Variants in SLC22A23 observed in about 807,000 individuals in gnomAD.
SLC22A23 encodes the protein ion transporter protein.
SLC22A23 carries 26 observed loss-of-function variants against 61.0 expected under a neutral mutation model. The ratio of observed to expected loss-of-function variants is 0.43; its 90% CI spans 0.31 to 0.59. The LOEUF is 0.59. Among genes scored for constraint, SLC22A23 ranks in the 20% least tolerant of loss-of-function variants. SLC22A23 has a pLI of 0.11. For missense variants in SLC22A23, 796 were observed against 934.7 expected (o/e 0.85, Z 1.94); for synonymous variants, 430 against 413.9 (o/e 1.04, Z -0.47).
rs869114176 is a variant in SLC22A23 at position 3,299,998 on chromosome 6, C to CTTTTTTTT, written c.1083-1788_1083-1781dup. Among the ~76,000 whole-genome samples the CTTTTTTTT allele has an allele frequency of 3.0e-3, 234 of 78,788 alleles. 29 individuals are homozygous for CTTTTTTTT. Among genetic ancestry groups the CTTTTTTTT allele is most frequent in the East Asian group, 0.021 (37 of 1,770 alleles). The allele number at this position is 78,788 out of a possible 152,430, so 51.7% of individuals were successfully genotyped here. On this transcript the variant is annotated intron_variant, in intron 4 of 9. Transcript: ENST00000406686. ...ACCTGCTTTGCAAGCTCAGGATAGA[C>CTTTTTTTT]TTTTTTTTTTTTTTTTTTTTTTTTT...
At chr6:3,371,892 G>A (rs1448429801) in intron 3 of SLC22A23, among the ~76,000 whole-genome samples, 1 of 151,902 alleles carries the variant, frequency 6.6e-6, no homozygotes, top group Non-Finnish European at 1.5e-5. Context: ...AAAAAGCTGC[G>A]AGTTAACCTC....
intron 9 of SLC22A23, among the ~76,000 whole-genome samples, chr6:3,276,086 A>G (rs1037846478): frequency 6.6e-6 from 1 of 152,192 alleles, no homozygotes; most frequent in African/African-American, 2.4e-5. Flanking sequence ...CCTTTTTCTC[A>G]GAATGCAATG....
At chr6:3,290,233 A>T (rs1015308326) in intron 5 of SLC22A23, 2 of 334,948 alleles carry the variant, frequency 6.0e-6, no homozygotes, top group Non-Finnish European at 1.1e-5. Flanking sequence ...TTACTGAGGC[A>T]CTCATTAGGC....
intron 3 of SLC22A23, among the ~76,000 whole-genome samples, chr6:3,389,810 C>T (rs1006778860): frequency 8.5e-5 from 13 of 152,344 alleles, no homozygotes; most frequent in East Asian, 3.9e-4. Context: ...GGAGCTGGTA[C>T]GTGCATTTCA....
intron 3 of SLC22A23, among the ~76,000 whole-genome samples, chr6:3,389,644 C>T (rs913767685): frequency 2.0e-5 from 3 of 152,196 alleles, no homozygotes; most frequent in South Asian, 2.1e-4. Flanking sequence ...AGTCACCCCT[C>T]CTCCCACTCC....
intron 3 of SLC22A23, among the ~76,000 whole-genome samples, chr6:3,332,817 A>T (rs908419748): frequency 6.6e-6 from 1 of 152,138 alleles, no homozygotes; most frequent in Admixed American, 6.5e-5. Context: ...CATATTACAT[A>T]TCTTAATTCT....
At chr6:3,397,051 T>C (rs924881065) in intron 3 of SLC22A23, among the ~76,000 whole-genome samples, 32 of 152,264 alleles carry the variant, frequency 2.1e-4, no homozygotes, top group African/African-American at 7.0e-4. Context: ...CATTCACCCA[T>C]AGACGCTGCT....
At chr6:3,296,929 A>G (rs571000381) in intron 5 of SLC22A23, among the ~76,000 whole-genome samples, 13 of 152,156 alleles carry the variant, frequency 8.5e-5, no homozygotes, top group African/African-American at 2.9e-4. Context: ...ATCCCTTCCC[A>G]TCGTAAATGG....
chr6:3,337,376 G>A (rs1763916417), intron 3 of SLC22A23, among the ~76,000 whole-genome samples: 1 of 152,110 alleles, frequency 6.6e-6, no homozygotes, highest in Non-Finnish European at 1.5e-5. Flanking sequence ...AGGCCTTGTA[G>A]GTGCCAGGTA....
At chr6:3,344,859 AAC>A (rs1764333824) in intron 3 of SLC22A23, among the ~76,000 whole-genome samples, 1 of 152,224 alleles carries the variant, frequency 6.6e-6, no homozygotes, top group Non-Finnish European at 1.5e-5. Context: ...GCTAGAAGCA[AAC>A]ACAGGAGAAA....
Position 3,272,573 on chromosome 6 carries a change from C to T in SLC22A23, c.*482G>A, listed in dbSNP as rs9501975. ...AGCCAAATTCATGTACATTTCACTC[C>T]GTCTAAAATGCAGTCCCGGAAACGC... On this transcript the variant is annotated 3_prime_UTR_variant, in exon 10 of 10. Transcript: ENST00000406686. 0.09 allele frequency: 13,748 copies of T among 152,932 alleles called. 733 individuals are homozygous for T. The highest frequency in any genetic ancestry group is 0.17 in the Middle Eastern group (50 of 292). The allele number at this position is 152,932 out of a possible 1,614,324, so 9.5% of individuals were successfully genotyped here. A position where few individuals can be genotyped will look rare whatever the true frequency, so the allele number is the denominator to read the frequency against.
chr6:3,272,949 T>C lies in SLC22A23; in HGVS notation c.*106A>G. 1 of 1,048,238 alleles carries C rather than the reference T, an allele frequency of 9.5e-7. No individual in the cohort carries two copies. Among genetic ancestry groups the C allele is most frequent in the African/African-American group, 1.6e-5 (1 of 62,740 alleles). 64.9% of individuals were successfully genotyped at this position (1,048,238 alleles called of 1,614,324 possible). A position where few individuals can be genotyped will look rare whatever the true frequency, so the allele number is the denominator to read the frequency against. On this transcript the variant is annotated 3_prime_UTR_variant, in exon 10 of 10. Transcript: ENST00000406686. ...CCCCACACCAGTTGAGAGGCTCAGC[T>C]TGGCTGAGGCAGCTTTCCCACCCCT...
At chr6:3,451,943 T>C (rs965952394) in intron 1 of SLC22A23, among the ~76,000 whole-genome samples, 3 of 152,206 alleles carry the variant, frequency 2.0e-5, no homozygotes, top group African/African-American at 7.2e-5. Flanking sequence ...AACACGATGG[T>C]TGTGTGAGTA....
intron 3 of SLC22A23, among the ~76,000 whole-genome samples, chr6:3,356,712 C>G (rs1372035549): frequency 6.6e-6 from 1 of 152,164 alleles, no homozygotes; most frequent in Non-Finnish European, 1.5e-5. Flanking sequence ...GCTTGAACCT[C>G]CAGGTCTTGA....
intron 3 of SLC22A23, among the ~76,000 whole-genome samples, chr6:3,350,866 C>A (rs1175980061): frequency 6.6e-6 from 1 of 151,890 alleles, no homozygotes; most frequent in Non-Finnish European, 1.5e-5. Flanking sequence ...GTCTCACTGC[C>A]CTTCTCACTC....
intron 3 of SLC22A23, among the ~76,000 whole-genome samples, chr6:3,362,436 T>TA (rs1561925525): frequency 1.7e-5 from 1 of 60,594 alleles, no homozygotes; most frequent in African/African-American, 7.2e-5. Flanking sequence ...AAATAAAAAA[T>TA]AAAAATTAGC....
At chr6:3,423,379 T>C (rs1265618973) in intron 1 of SLC22A23, among the ~76,000 whole-genome samples, 1 of 152,246 alleles carries the variant, frequency 6.6e-6, no homozygotes, top group African/African-American at 2.4e-5. Flanking sequence ...ACGTTCTTAT[T>C]CGTTTTGTAC....
rs1190765947 is a variant in SLC22A23, at chr6:3,389,192, C to T, written c.913+20996G>A. Among the ~76,000 whole-genome samples the T allele has an allele frequency of 3.7e-5, 5 of 134,450 alleles. No homozygotes were observed. In the South Asian group the frequency reaches 7.8e-4, roughly 21 times the overall value. 88.2% of individuals were successfully genotyped at this position (134,450 alleles called of 152,430 possible). A position where few individuals can be genotyped will look rare whatever the true frequency, so the allele number is the denominator to read the frequency against. ...CTGAGGCAGGAGAATCACTGCAACC[C>T]GGGAGGTGGAGGTTGCAGTGAGCCA... On this transcript the variant is annotated intron_variant, in intron 3 of 9. Transcript: ENST00000406686.
chr6:3,439,064 TG>T (rs1771411231), intron 1 of SLC22A23, among the ~76,000 whole-genome samples: 1 of 147,904 alleles, frequency 6.8e-6, no homozygotes, highest in African/African-American at 2.7e-5. Flanking sequence ...TTGCCGTATT[TG>T]GGGCCGGATC....
Sources: gnomAD v4.1 joint callset for allele counts (sites outside exome capture counted in the v4.1 genomes callset) on GRCh38, gnomAD v4.1.1 for gene constraint, MANE v1.5 for transcripts, NCBI Gene and HGNC (gene_info 2026-07-23, HGNC 2026-07-21) for gene names.